Variants in ASRGL1 observed in about 807,000 individuals in gnomAD.
ASRGL1 encodes the protein asparaginase and isoaspartyl peptidase 1, also known as isoaspartyl peptidase/L-asparaginase.
ASRGL1 carries 16 observed loss-of-function variants against 22.4 expected under a neutral mutation model. That is an observed-to-expected ratio of 0.71 (90% CI 0.48 to 1.08). The LOEUF (loss-of-function observed/expected upper bound fraction) is 1.08, where lower values mean the gene tolerates loss of function less well. Among genes scored for constraint, ASRGL1 ranks in the 50% least tolerant of loss-of-function variants. The pLI is 0.00. For synonymous variants in ASRGL1, 165 were observed against 159.3 expected (o/e 1.04, Z -0.27); for missense variants, 412 against 410.1 (o/e 1.00, Z -0.04).
chr11:62,389,258 C>A lies in ASRGL1; in HGVS notation c.610+7C>A. On this transcript the variant is annotated splice_region_variant and intron_variant, in intron 5 of 6. Coordinates refer to ENST00000415229, the MANE Select transcript of ASRGL1 (RefSeq NM_001083926.2). ...GGGGACTCACCGTGTCTAGGTAGGA[C>A]CAAGGGATGCCTCCTGCCCCTTCCC... The A allele has an allele frequency of 6.2e-7, 1 of 1,605,764 alleles. No individual in the cohort carries two copies. The highest frequency in any genetic ancestry group is 8.5e-7 in the Non-Finnish European group (1 of 1,172,462).
At position 62,391,574 on chromosome 11, in the gene ASRGL1, TG is replaced by T. The variant is rs1565177070; in HGVS notation, c.667del (p.Glu223LysfsTer4). On this transcript the variant is annotated frameshift_variant, in exon 6 of 7. Coordinates refer to ENST00000415229, the MANE Select transcript of ASRGL1 (RefSeq NM_001083926.2). LOFTEE classifies it high-confidence loss of function. ...DIGAVSTTGH[G>X]ESILKVNLAR... ...TCGGAGCCGTCTCAACCACAGGGCATGGGGAAAGCATCCTGAAGGTGAACCT... is the reference window on the plus strand; with the variant it reads ...TCGGAGCCGTCTCAACCACAGGGCATGGGAAAGCATCCTGAAGGTGAACCT... The T allele has an allele frequency of 1.9e-6, 3 of 1,612,800 alleles. No homozygotes were observed. The South Asian group carries it at 3.3e-5, about 18-fold the overall frequency.
chr11:62,338,239 C>T (rs1386473524), intron 2 of ASRGL1, 72 bp downstream of exon 2: 2 of 1,386,746 alleles, frequency 1.4e-6, no homozygotes, highest in Non-Finnish European at 1.9e-6. Context: ...ATAGAACCTA[C>T]ATAGTGTTAG....
In ASRGL1 at chr11:62,357,093, G is replaced by A. The variant is rs746969296; in HGVS notation, c.440G>A (p.Arg147His). 49 of 1,613,878 alleles carry A rather than the reference G, an allele frequency of 3.0e-5. No individual in the cohort carries two copies. Among genetic ancestry groups the A allele is most frequent in the Middle Eastern group, 1.6e-4 (1 of 6,084 alleles). ...EKLVTERNKK[R>H]LEKEKHEKGA... ...CTGGTGACAGAGAGAAACAAAAAGC[G>A]CCTGGAAAAAGAGAAGCATGAAAAA... The change falls in exon 4 of 7, where the codon CGC becomes CAC. Residue 147 changes from arginine to histidine, a missense_variant. Arg to His is a conservative substitution (Grantham distance 29). Coordinates refer to ENST00000415229, the MANE Select transcript of ASRGL1 (RefSeq NM_001083926.2).
chr11:62,398,994 C>A, the ASRGL1 span, among the ~76,000 whole-genome samples: 2 of 152,150 alleles, frequency 1.3e-5, no homozygotes, highest in Non-Finnish European at 2.9e-5. Context: ...CATGGTGAAA[C>A]CCCGTGTCTA....
intron 4 of ASRGL1, among the ~76,000 whole-genome samples, chr11:62,364,898 G>T (rs371020837): frequency 4.0e-5 from 6 of 150,224 alleles, no homozygotes; most frequent in Admixed American, 6.6e-5. Flanking sequence ...GCGAAACCCC[G>T]TATCTACTAA....
At chr11:62,340,263 CTG>C (rs994125923) in intron 2 of ASRGL1, among the ~76,000 whole-genome samples, 1 of 152,190 alleles carries the variant, frequency 6.6e-6, no homozygotes, top group Non-Finnish European at 1.5e-5. Context: ...GAGTGAGACT[CTG>C]TCTCTGAAAA....
chr11:62,387,443 C>G (rs1819377520), intron 4 of ASRGL1, among the ~76,000 whole-genome samples: 1 of 152,130 alleles, frequency 6.6e-6, no homozygotes, highest in Non-Finnish European at 1.5e-5. Flanking sequence ...TATGGTCACC[C>G]CACTTGTCAA....
At chr11:62,367,505 G>A (rs774729161) in intron 4 of ASRGL1, among the ~76,000 whole-genome samples, 8 of 149,846 alleles carry the variant, frequency 5.3e-5, no homozygotes, top group South Asian at 2.1e-4. Context: ...TGAGTTGGGC[G>A]TGGTGGCGCA....
chr11:62,373,900 G>A (rs1163640822), intron 4 of ASRGL1, among the ~76,000 whole-genome samples: 1 of 152,198 alleles, frequency 6.6e-6, no homozygotes, highest in African/African-American at 2.4e-5. Context: ...GGGACTTGGG[G>A]GTGGAGCAAA....
intron 4 of ASRGL1, among the ~76,000 whole-genome samples, chr11:62,364,592 TAC>T (rs1302439515): frequency 6.6e-6 from 1 of 152,206 alleles, no homozygotes; most frequent in Non-Finnish European, 1.5e-5. Flanking sequence ...TTGAAACAAC[TAC>T]AGTGTCTGTC....
intron 4 of ASRGL1, among the ~76,000 whole-genome samples, chr11:62,367,714 T>C (rs1254613793): frequency 6.6e-6 from 1 of 151,556 alleles, no homozygotes; most frequent in African/African-American, 2.4e-5. Context: ...GAGGCCGAGG[T>C]GGGTGGATCA....
chr11:62,347,624 T>TG lies in ASRGL1; in HGVS notation c.191-8697dup, dbSNP rs1554998905. ...TACCCAATCTTCGGTTGAAAATATT[T>TG]GGGGAAAAAAAAAACCGTGTAAGAC... On this transcript the variant is annotated intron_variant, in intron 2 of 6. Coordinates refer to ENST00000415229, the MANE Select transcript of ASRGL1 (RefSeq NM_001083926.2). 1.8e-3 allele frequency among the ~76,000 whole-genome samples: 242 copies of TG among 131,520 alleles called. 1 individual carries two copies. Among genetic ancestry groups the TG allele is most frequent in the East Asian group, 9.1e-3 (41 of 4,526 alleles). The allele number at this position is 131,520 out of a possible 152,430, so 86.3% of individuals were successfully genotyped here. A position where few individuals can be genotyped will look rare whatever the true frequency, so the allele number is the denominator to read the frequency against.
At chr11:62,371,281 AGC>A in intron 4 of ASRGL1, 2 of 1,374,862 alleles carry the variant, frequency 1.5e-6, no homozygotes, top group Non-Finnish European at 9.6e-7. Context: ...TGGTGGCAGC[AGC>A]AGCAGCGGCG....
chr11:62,347,485 A>T (rs550969389), intron 2 of ASRGL1, among the ~76,000 whole-genome samples: 1 of 152,230 alleles, frequency 6.6e-6, no homozygotes, highest in East Asian at 1.9e-4. Flanking sequence ...CAGTCATCTC[A>T]TTGGCATACA....
At chr11:62,361,241 G>A (rs1013438786) in intron 4 of ASRGL1, among the ~76,000 whole-genome samples, 6 of 151,864 alleles carry the variant, frequency 4.0e-5, no homozygotes, top group South Asian at 2.1e-4. Flanking sequence ...ACCCAGGCTC[G>A]AGTGCAGTGT....
intron 4 of ASRGL1, among the ~76,000 whole-genome samples, chr11:62,378,794 G>C (rs1302780814): frequency 1.3e-5 from 2 of 152,048 alleles, no homozygotes; most frequent in Non-Finnish European, 2.9e-5. Flanking sequence ...TCCAGTTTTT[G>C]TTTTGGTAGC....
Position 62,338,014 on chromosome 11 carries a change from G to T in ASRGL1, c.37G>T (p.Gly13Cys). 1.2e-6 allele frequency: 2 copies of T among 1,606,608 alleles called. No homozygotes were observed. The highest frequency in any genetic ancestry group is 1.7e-6 in the Non-Finnish European group (2 of 1,177,008). The change falls in exon 2 of 7, where the codon GGT (glycine) becomes TGT (cysteine). Residue 13 changes from glycine (G) to cysteine (C), a missense_variant. Physicochemically the swap from Gly to Cys is radical, Grantham distance 159. Transcript: ENST00000415229. ...PIVVVHGGGA[G>C]PISKDRKERV... ...CGTAGTGGTCCACGGCGGCGGAGCC[G>T]GTCCCATCTCCAAGGATCGGAAGGA...
intron 4 of ASRGL1, among the ~76,000 whole-genome samples, chr11:62,361,159 T>G (rs1946423067): frequency 6.6e-6 from 1 of 152,092 alleles, no homozygotes; most frequent in Non-Finnish European, 1.5e-5. Flanking sequence ...GTAAAAATTT[T>G]TTTGTCAATA....
chr11:62,375,337 GA>G, intron 4 of ASRGL1, among the ~76,000 whole-genome samples: 1 of 150,056 alleles, frequency 6.7e-6, no homozygotes, highest in East Asian at 2.0e-4. Context: ...TCAGGAAAAA[GA>G]ATTTGAAAGA....
Sources: gnomAD v4.1 joint callset for allele counts (sites outside exome capture counted in the v4.1 genomes callset) on GRCh38, gnomAD v4.1.1 for gene constraint, MANE v1.5 for transcripts, NCBI Gene and HGNC (gene_info 2026-07-23, HGNC 2026-07-21) for gene names.